CYB5D2: variants seen among roughly 807,000 people sequenced by gnomAD.
The protein encoded by CYB5D2 is cytochrome b5 domain containing 2, also known as neuferricin.
In CYB5D2, 23 loss-of-function variants were observed where a neutral mutation model predicts 22.8. That is an observed-to-expected ratio of 1.01 (90% CI 0.73 to 1.43). CYB5D2 has a LOEUF of 1.43. CYB5D2 is among the 40% of genes most tolerant of loss of function. The pLI, the probability that CYB5D2 is intolerant of heterozygous loss-of-function variation, is 0.00. For missense variants in CYB5D2, 373 were observed against 357.2 expected (o/e 1.04, Z -0.36); for synonymous variants, 170 against 152.2 (o/e 1.12, Z -0.86).
rs1336723117 is a variant in CYB5D2 at position 4,143,703 on chromosome 17, G to GTTGTAGATAGAGGT, written c.-53_-52insTTGTAGATAGAGGT. The GTTGTAGATAGAGGT allele has an allele frequency of 6.4e-7, 1 of 1,559,996 alleles. No individual in the cohort carries two copies. The highest frequency in any genetic ancestry group is 8.7e-7 in the Non-Finnish European group (1 of 1,150,936). On this transcript the variant is annotated 5_prime_UTR_variant, in exon 1 of 4. Transcript: ENST00000301391. ...CACGCTCGGCGTCTCGGCCATCTTAGCTGTAGATAGAGGCGGCAACCTCGG... is the reference window on the plus strand; with the variant it reads ...CACGCTCGGCGTCTCGGCCATCTTAGTTGTAGATAGAGGTCTGTAGATAGAGGCGGCAACCTCGG...
At chr17:4,145,549 T>C (rs751294879) in intron 1 of CYB5D2, among the ~76,000 whole-genome samples, 7 of 152,198 alleles carry the variant, frequency 4.6e-5, no homozygotes, top group African/African-American at 7.2e-5. Context: ...TCTGGAGTGC[T>C]TTTTATTTTT....
chr17:4,144,301 T>A (rs749441970), intron 1 of CYB5D2, among the ~76,000 whole-genome samples: 4 of 148,176 alleles, frequency 2.7e-5, no homozygotes, highest in Non-Finnish European at 4.5e-5. Context: ...GGATACGGGC[T>A]GTGTGCCGGA....
At chr17:4,146,566 A>G (rs1429853753) in intron 1 of CYB5D2, among the ~76,000 whole-genome samples, 1 of 151,692 alleles carries the variant, frequency 6.6e-6, no homozygotes, top group Non-Finnish European at 1.5e-5. Context: ...AAGTTTTTGT[A>G]TTTTTAGTAG....
chr17:4,144,231 T>TA (rs1212685519), intron 1 of CYB5D2, among the ~76,000 whole-genome samples: 2 of 152,176 alleles, frequency 1.3e-5, no homozygotes, highest in African/African-American at 2.4e-5. Context: ...CTGCGTGACT[T>TA]ACATTGGAGA....
chr17:4,154,929 G>GTA, intron 3 of CYB5D2, 69 bp downstream of exon 3: 1 of 1,463,108 alleles, frequency 6.8e-7, no homozygotes, highest in Non-Finnish European at 9.2e-7. Context: ...CCTGCCTGCA[G>GTA]TATTCAGTGA....
At position 4,143,665 on chromosome 17, in the gene CYB5D2, G is replaced by A. The variant is rs1162884540; in HGVS notation, c.-91G>A. 8.3e-5 allele frequency: 125 copies of A among 1,503,480 alleles called. No individual in the cohort carries two copies. Among genetic ancestry groups the A allele is most frequent in the Non-Finnish European group, 4.4e-5 (49 of 1,123,448 alleles). The allele number at this position is 1,503,480 out of a possible 1,614,324, so 93.1% of individuals were successfully genotyped here. On this transcript the variant is annotated 5_prime_UTR_variant, in exon 1 of 4. Transcript: ENST00000301391. Reference sequence around the variant, plus strand: ...CGCGAGAGAGAGAGCGAGAGCGCGCGCGCCGATGACGTCACGCTCGGCGTC... The same window carrying A: ...CGCGAGAGAGAGAGCGAGAGCGCGCACGCCGATGACGTCACGCTCGGCGTC...
chr17:4,155,164 G>A (rs1195370162), intron 3 of CYB5D2, among the ~76,000 whole-genome samples: 1 of 152,174 alleles, frequency 6.6e-6, no homozygotes, highest in East Asian at 1.9e-4. Flanking sequence ...ACCCGGGAAT[G>A]AGAAGGCACA....
chr17:4,143,613 C>CT lies in CYB5D2; in HGVS notation c.-142dup. 8.3e-7 allele frequency: 1 copy of CT among 1,201,400 alleles called. No individual in the cohort carries two copies. The highest frequency in any genetic ancestry group is 1.2e-6 in the Non-Finnish European group (1 of 858,678). The allele number at this position is 1,201,400 out of a possible 1,614,324, so 74.4% of individuals were successfully genotyped here. On this transcript the variant is annotated 5_prime_UTR_variant, in exon 1 of 4. Transcript: ENST00000301391. ...AGGAATACAGATAAAACGAGAGAGACTAAGGGAGGGAGCGCGAGCACTAGC... is the reference window on the plus strand; with the variant it reads ...AGGAATACAGATAAAACGAGAGAGACTTAAGGGAGGGAGCGCGAGCACTAGC...
At chr17:4,144,368 C>T (rs1335802382) in intron 1 of CYB5D2, among the ~76,000 whole-genome samples, 1 of 152,172 alleles carries the variant, frequency 6.6e-6, no homozygotes, top group African/African-American at 2.4e-5. Flanking sequence ...CCCCTACCCT[C>T]ACAGTTTCCT....
chr17:4,156,662 T>C (rs1479251009), intron 3 of CYB5D2, among the ~76,000 whole-genome samples: 1 of 151,776 alleles, frequency 6.6e-6, no homozygotes, highest in Non-Finnish European at 1.5e-5. Context: ...CTGGGGAAGG[T>C]GGTGGTGGCC....
intron 1 of CYB5D2, among the ~76,000 whole-genome samples, chr17:4,145,885 G>A (rs139408925): frequency 5.3e-5 from 8 of 152,102 alleles, no homozygotes; most frequent in African/African-American, 1.9e-4. Flanking sequence ...TGCAACCTCC[G>A]CCTCCCAAGC....
intron 2 of CYB5D2, among the ~76,000 whole-genome samples, chr17:4,153,319 A>G (rs1032297833): frequency 2.0e-5 from 3 of 149,894 alleles, no homozygotes; most frequent in African/African-American, 7.6e-5. Flanking sequence ...TGGGTCAGGG[A>G]AGAGCGGTGC....
chr17:4,145,347 A>G (rs1183215880), intron 1 of CYB5D2, among the ~76,000 whole-genome samples: 1 of 152,210 alleles, frequency 6.6e-6, no homozygotes, highest in Non-Finnish European at 1.5e-5. Flanking sequence ...TGGTCTCGCA[A>G]ATCCCCTGAG....
intron 2 of CYB5D2, among the ~76,000 whole-genome samples, chr17:4,154,272 C>T (rs1336758013): frequency 1.3e-5 from 2 of 152,140 alleles, no homozygotes; most frequent in Non-Finnish European, 2.9e-5. Flanking sequence ...AGAGTGAGAC[C>T]CCATCTCTAT....
rs149718656 is a variant in CYB5D2 at position 4,157,239 on chromosome 17, G to C, written c.*157G>C. Reference sequence around the variant, plus strand: ...GCAAATGTGGCTCATGCCCCTTACCGTGGCTCGGCGTTGTGGTGCCTGAGG... The same window carrying C: ...GCAAATGTGGCTCATGCCCCTTACCCTGGCTCGGCGTTGTGGTGCCTGAGG... On this transcript the variant is annotated 3_prime_UTR_variant, in exon 4 of 4. Transcript: ENST00000301391. This position sits in a 1 kb window ranked among gnomAD's most constrained non-coding sequence, Gnocchi z 4.4. 1 of 844,806 alleles carries C rather than the reference G, an allele frequency of 1.2e-6. No individual in the cohort carries two copies. The highest frequency in any genetic ancestry group is 1.7e-5 in the African/African-American group (1 of 58,828). 52.3% of individuals were successfully genotyped at this position (844,806 alleles called of 1,614,324 possible).
chr17:4,157,378 A>G lies in CYB5D2; in HGVS notation c.*296A>G, dbSNP rs755366728. ...CAACGGGCACAAATAAGACCAACTC[A>G]ATTTCCACTTGAATTTACAACCAAA... On this transcript the variant is annotated 3_prime_UTR_variant, in exon 4 of 4. Transcript: ENST00000301391. The surrounding 1 kb of genome is among the most constrained non-coding windows in gnomAD (Gnocchi z 4.4). 2.1e-6 allele frequency: 1 copy of G among 467,866 alleles called. No homozygotes were observed. The allele number at this position is 467,866 out of a possible 1,614,324, so 29.0% of individuals were successfully genotyped here.
Position 4,143,590 on chromosome 17 carries a change from G to A in CYB5D2, c.-166G>A. On this transcript the variant is annotated 5_prime_UTR_variant, in exon 1 of 4. Coordinates refer to ENST00000301391, the MANE Select transcript of CYB5D2 (RefSeq NM_144611.4). Reference sequence around the variant, plus strand: ...ACAGCGAGCTTTTCGCCAGTGCCAGGAATACAGATAAAACGAGAGAGACTA... The same window carrying A: ...ACAGCGAGCTTTTCGCCAGTGCCAGAAATACAGATAAAACGAGAGAGACTA... 2 of 979,388 alleles carry A rather than the reference G, an allele frequency of 2.0e-6. No homozygotes were observed. The highest frequency in any genetic ancestry group is 2.9e-6 in the Non-Finnish European group (2 of 679,838). 60.7% of individuals were successfully genotyped at this position (979,388 alleles called of 1,614,324 possible). A position where few individuals can be genotyped will look rare whatever the true frequency, so the allele number is the denominator to read the frequency against.
intron 3 of CYB5D2, among the ~76,000 whole-genome samples, chr17:4,155,395 G>A (rs2059103162): frequency 6.6e-6 from 1 of 152,144 alleles, no homozygotes; most frequent in Admixed American, 6.5e-5. Context: ...AGGCAGGCAG[G>A]TCGCTTGAGC....
intron 3 of CYB5D2, among the ~76,000 whole-genome samples, chr17:4,156,059 G>A (rs538709556): frequency 1.3e-5 from 2 of 152,380 alleles, no homozygotes; most frequent in South Asian, 4.1e-4. Flanking sequence ...AGGCGTTTGG[G>A]TGACAGCCTT....
Sources: gnomAD v4.1 joint callset for allele counts (sites outside exome capture counted in the v4.1 genomes callset) on GRCh38, gnomAD v4.1.1 for gene constraint, Gnocchi (gnomAD v3.1) non-coding constraint, MANE v1.5 for transcripts, NCBI Gene and HGNC (gene_info 2026-07-23, HGNC 2026-07-21) for gene names.